Variants in MIPEP observed in about 807,000 individuals in gnomAD.
The protein encoded by MIPEP is mitochondrial intermediate peptidase.
MIPEP carries 79 observed loss-of-function variants against 90.3 expected under a neutral mutation model. The observed-to-expected ratio is 0.87, with a 90% CI of 0.73 to 1.05. The LOEUF is 1.05. Ranked by LOEUF, MIPEP falls within the 50% of genes least tolerant of loss-of-function variation. The pLI is 0.00. For missense variants in MIPEP, 940 were observed against 905.6 expected, an observed-to-expected ratio of 1.04 and a Z score of -0.49; for synonymous variants, 334 against 315.8, an observed-to-expected ratio of 1.06 and a Z score of -0.61.
In MIPEP at chr13:23,868,074, T is replaced by G. The variant is rs946725473; in HGVS notation, c.943+1218A>C. Reference sequence around the variant, plus strand: ...ACACTAAAAACACACATTTAATACATAACATACATATTATATCTGTTTAGG... The same window carrying G: ...ACACTAAAAACACACATTTAATACAGAACATACATATTATATCTGTTTAGG... On this transcript the variant is annotated intron_variant, in intron 7 of 18. Transcript: ENST00000382172. Among the ~76,000 whole-genome samples, 9 of 152,044 alleles carry G rather than the reference T, an allele frequency of 5.9e-5. No homozygotes were observed. In the East Asian group the frequency reaches 1.3e-3, roughly 23 times the overall value.
chr13:23,750,184 T>C (rs1264812447), intron 18 of MIPEP, among the ~76,000 whole-genome samples: 1 of 152,192 alleles, frequency 6.6e-6, no homozygotes, highest in East Asian at 1.9e-4. Context: ...GTTTCCCCTA[T>C]CATTAATATC....
chr13:23,830,065 C>T (rs1868664539), intron 14 of MIPEP, among the ~76,000 whole-genome samples: 1 of 152,170 alleles, frequency 6.6e-6, no homozygotes, highest in Non-Finnish European at 1.5e-5. Context: ...TAAAGACATG[C>T]ACCCCTTACA....
In MIPEP at chr13:23,842,805, T is replaced by C. The variant is rs188204175; in HGVS notation, c.1107-1317A>G. Among the ~76,000 whole-genome samples the C allele has an allele frequency of 1.9e-3, 286 of 152,138 alleles. 1 individual carries two copies. Among genetic ancestry groups the C allele is most frequent in the African/African-American group, 6.7e-3 (279 of 41,518 alleles). On this transcript the variant is annotated intron_variant, in intron 10 of 18. Coordinates refer to ENST00000382172, the MANE Select transcript of MIPEP (RefSeq NM_005932.4). ...CCAGGGAAAGCTTCTCGGATAGGAA[T>C]CAAGAAAGAATCGGCCGGGTGCTGT... is the stretch of plus-strand genomic sequence containing the variant.
At chr13:23,879,914 G>C (rs2137534035) in intron 3 of MIPEP, among the ~76,000 whole-genome samples, 1 of 152,236 alleles carries the variant, frequency 6.6e-6, no homozygotes. Flanking sequence ...GCCATCCAGA[G>C]AGCAAAGGGC....
intron 5 of MIPEP, among the ~76,000 whole-genome samples, 176 bp downstream of exon 5, chr13:23,874,670 C>T (rs1349863253): frequency 6.6e-6 from 1 of 152,160 alleles, no homozygotes; most frequent in Non-Finnish European, 1.5e-5. Context: ...AGGTCAACTT[C>T]CAGAGAGGGG....
At chr13:23,856,702 A>C (rs928599249) in intron 10 of MIPEP, among the ~76,000 whole-genome samples, 2 of 152,042 alleles carry the variant, frequency 1.3e-5, no homozygotes, top group Admixed American at 1.3e-4. Context: ...TCTTTACTTC[A>C]TTCTGTTTGG....
At chr13:23,800,438 T>C (rs764701314) in intron 16 of MIPEP, among the ~76,000 whole-genome samples, 2 of 152,178 alleles carry the variant, frequency 1.3e-5, no homozygotes, top group Non-Finnish European at 2.9e-5. Context: ...AACACAACAC[T>C]GTTCTCTAAA....
chr13:23,843,250 A>T (rs4436650), intron 10 of MIPEP, among the ~76,000 whole-genome samples: 32,000 of 151,990 alleles, frequency 0.21, 4,999 homozygotes, highest in African/African-American at 0.44. Context: ...TCTAGAAAGG[A>T]TGTGGTTAAA....
chr13:23,816,130 AT>A lies in MIPEP; in HGVS notation c.1654-6207del, dbSNP rs150984367. Among the ~76,000 whole-genome samples, 857 of 152,274 alleles carry A rather than the reference AT, an allele frequency of 5.6e-3. 8 individuals are homozygous for A. Among genetic ancestry groups the A allele is most frequent in the African/African-American group, 0.019 (803 of 41,554 alleles). ...GTTTGACAACAATGTATCCAGGTAT[AT>A]TCTTTCTGATTGTTTGTCCTGCTTG... On this transcript the variant is annotated intron_variant, in intron 14 of 18. Transcript: ENST00000382172.
At position 23,855,758 on chromosome 13, in the gene MIPEP, C is replaced by T. The variant is rs531343645; in HGVS notation, c.1106+3102G>A. ...AACCCCTTCTGATGCATTTCTGCAT[C>T]CCTTTTCCTGGTTCTTTTACTGAGT... On this transcript the variant is annotated intron_variant, in intron 10 of 18. Transcript: ENST00000382172. 4.6e-5 allele frequency among the ~76,000 whole-genome samples: 7 copies of T among 152,294 alleles called. No individual in the cohort carries two copies. The South Asian group carries it at 1.2e-3, about 27-fold the overall frequency.
intron 16 of MIPEP, among the ~76,000 whole-genome samples, chr13:23,776,370 T>C (rs752030435): frequency 6.6e-6 from 1 of 152,198 alleles, no homozygotes; most frequent in Non-Finnish European, 1.5e-5. Flanking sequence ...CCTTACCTGT[T>C]CCTCACTCCC....
chr13:23,752,664 G>A (rs563815527), intron 18 of MIPEP, among the ~76,000 whole-genome samples: 75 of 152,266 alleles, frequency 4.9e-4, no homozygotes, highest in African/African-American at 1.7e-3. Flanking sequence ...GAGATGAACA[G>A]CAGAAAACCT....
chr13:23,808,781 T>C (rs927789904), intron 15 of MIPEP, among the ~76,000 whole-genome samples: 2 of 152,212 alleles, frequency 1.3e-5, no homozygotes, highest in African/African-American at 2.4e-5. Flanking sequence ...AAAGCAAATA[T>C]AGATTCACGG....
intron 16 of MIPEP, among the ~76,000 whole-genome samples, chr13:23,797,579 T>C (rs1365353142): frequency 6.6e-6 from 1 of 152,196 alleles, no homozygotes; most frequent in Non-Finnish European, 1.5e-5. Flanking sequence ...CTGGCTGCCG[T>C]GAACCTCTAA....
chr13:23,888,701 T>C, intron 1 of MIPEP: 6 of 999,202 alleles, frequency 6.0e-6, no homozygotes, highest in Non-Finnish European at 7.1e-6. Context: ...CAGGCAGCCG[T>C]GTCCTTGCAA....
At chr13:23,808,167 C>G (rs185763022) in intron 15 of MIPEP, among the ~76,000 whole-genome samples, 1 of 151,254 alleles carries the variant, frequency 6.6e-6, no homozygotes, top group Admixed American at 6.6e-5. Flanking sequence ...GGCGCGATCT[C>G]GGCTCACTGC....
intron 16 of MIPEP, among the ~76,000 whole-genome samples, chr13:23,782,414 A>G (rs1952791443): frequency 6.6e-6 from 1 of 152,234 alleles, no homozygotes; most frequent in African/African-American, 2.4e-5. Flanking sequence ...CAGTGAGAAC[A>G]AAGACACAAC....
At chr13:23,859,008 G>T in intron 9 of MIPEP, 96 bp from the exon 10 acceptor site, 1 of 964,542 alleles carries the variant, frequency 1.0e-6, no homozygotes, top group Non-Finnish European at 1.6e-6. Context: ...ACCAGCTACT[G>T]TTCATGTAAA....
intron 16 of MIPEP, among the ~76,000 whole-genome samples, chr13:23,804,409 C>T (rs1463102367): frequency 6.6e-6 from 1 of 152,156 alleles, no homozygotes; most frequent in Non-Finnish European, 1.5e-5. Flanking sequence ...GCAGGTGAAT[C>T]AGGCAATGCT....
Sources: allele counts gnomAD v4.1 joint callset (sites outside exome capture counted in the v4.1 genomes callset), GRCh38; gene constraint gnomAD v4.1.1; transcripts MANE v1.5; gene names NCBI Gene and HGNC (gene_info 2026-07-23, HGNC 2026-07-21).